Variants in ADAMTSL1 observed in about 807,000 individuals in gnomAD.
The protein encoded by ADAMTSL1 is ADAMTS-like protein 1.
In ADAMTSL1, 126 loss-of-function variants were observed where a neutral mutation model predicts 201.8. That is an observed-to-expected ratio of 0.62 (90% CI 0.54 to 0.72). The LOEUF is 0.72. Ranked by LOEUF, ADAMTSL1 falls within the 30% of genes least tolerant of loss-of-function variation. ADAMTSL1 has a pLI of 0.00. For missense variants in ADAMTSL1, 2,679 were observed against 2,277.8 expected (o/e 1.18, Z -3.59); for synonymous variants, 1,121 against 903.4 (o/e 1.24, Z -4.32).
intron 15 of ADAMTSL1, among the ~76,000 whole-genome samples, chr9:18,725,555 CA>C (rs562998497): frequency 2.6e-5 from 4 of 152,162 alleles, no homozygotes; most frequent in East Asian, 3.9e-4. Flanking sequence ...GAGAAATACC[CA>C]AAAAGGACCT....
At chr9:18,786,418 G>A (rs1821709160) in intron 19 of ADAMTSL1, among the ~76,000 whole-genome samples, 1 of 152,192 alleles carries the variant, frequency 6.6e-6, no homozygotes, top group African/African-American at 2.4e-5. Context: ...TCCCAGTTCT[G>A]CCACTTAGTA....
intron 1 of ADAMTSL1, among the ~76,000 whole-genome samples, chr9:18,011,849 C>T (rs1381343948): frequency 1.3e-5 from 2 of 151,948 alleles, no homozygotes; most frequent in South Asian, 2.1e-4. Context: ...ACAATACAAC[C>T]CATGAGTTGC....
chr9:18,354,442 C>G (rs191359463), intron 2 of ADAMTSL1, among the ~76,000 whole-genome samples: 3 of 152,196 alleles, frequency 2.0e-5, no homozygotes, highest in Admixed American at 6.5e-5. Context: ...AATTCATAAA[C>G]TTTGCTGTTA....
intron 1 of ADAMTSL1, among the ~76,000 whole-genome samples, chr9:17,963,294 G>A (rs368999105): frequency 1.2e-4 from 18 of 151,958 alleles, no homozygotes; most frequent in South Asian, 6.2e-4. Context: ...ATATTTATTC[G>A]CCTATTTATC....
At chr9:18,678,345 C>T (rs1037715429) in intron 10 of ADAMTSL1, among the ~76,000 whole-genome samples, 5 of 152,136 alleles carry the variant, frequency 3.3e-5, no homozygotes, top group South Asian at 4.1e-4. Context: ...GACATGCTCT[C>T]TCTCAGCTTT....
At chr9:18,608,169 GTACT>G (rs1400132310) in intron 4 of ADAMTSL1, among the ~76,000 whole-genome samples, 1 of 152,168 alleles carries the variant, frequency 6.6e-6, no homozygotes, top group African/African-American at 2.4e-5. Context: ...GGTAATTTGG[GTACT>G]TTTAAGGGGA....
At chr9:18,618,068 A>C (rs1317906532) in intron 4 of ADAMTSL1, among the ~76,000 whole-genome samples, 1 of 152,202 alleles carries the variant, frequency 6.6e-6, no homozygotes, top group African/African-American at 2.4e-5. Flanking sequence ...GCCTTCCATG[A>C]CATTTCTCTA....
intron 15 of ADAMTSL1, among the ~76,000 whole-genome samples, chr9:18,748,392 G>C (rs1819264514): frequency 6.6e-6 from 1 of 152,096 alleles, no homozygotes; most frequent in South Asian, 2.1e-4. Flanking sequence ...GGATTACTAA[G>C]ACATAAATTG....
At chr9:18,460,336 CTGTT>C (rs1820762205) in intron 2 of ADAMTSL1, among the ~76,000 whole-genome samples, 2 of 152,192 alleles carry the variant, frequency 1.3e-5, no homozygotes. Context: ...AAATCCCTGT[CTGTT>C]TGCTGCAGAA....
chr9:18,533,160 T>A, intron 2 of ADAMTSL1, 87 bp from the exon 3 acceptor site: 1 of 1,104,312 alleles, frequency 9.1e-7, no homozygotes, highest in Non-Finnish European at 1.3e-6. Flanking sequence ...CTTTTACTAG[T>A]ATTTAGAGCA....
chr9:18,410,585 A>G (rs528097543), intron 2 of ADAMTSL1, among the ~76,000 whole-genome samples: 2 of 152,296 alleles, frequency 1.3e-5, no homozygotes, highest in Admixed American at 1.3e-4. Flanking sequence ...ATAGTATTAC[A>G]TGGTGCATAT....
rs1412511351 is a variant in ADAMTSL1, at chr9:18,041,752, T to C, written c.88-122110T>C. On this transcript the variant is annotated intron_variant, in intron 1 of 29. Transcript: ENST00000680146. The stretch of plus-strand genomic sequence containing the variant: ...TATGAAAATCATGATTTTCAAAATT[T>C]ATAAATATTTTGTACATACAGATTT... 2.0e-5 allele frequency among the ~76,000 whole-genome samples: 3 copies of C among 152,262 alleles called. No individual in the cohort carries two copies. In the East Asian group the frequency reaches 5.8e-4, roughly 29 times the overall value.
chr9:18,310,552 C>G (rs1041474596), intron 2 of ADAMTSL1, among the ~76,000 whole-genome samples: 2 of 151,896 alleles, frequency 1.3e-5, no homozygotes, highest in African/African-American at 4.8e-5. Context: ...AGGATATGAA[C>G]AGACACTTCT....
intron 15 of ADAMTSL1, among the ~76,000 whole-genome samples, chr9:18,730,819 G>A (rs1243455026): frequency 1.3e-5 from 2 of 152,198 alleles, no homozygotes; most frequent in South Asian, 2.1e-4. Context: ...TGAAAGTGGT[G>A]TCTTCTCTGT....
At chr9:18,458,384 TG>T (rs934549965) in intron 2 of ADAMTSL1, among the ~76,000 whole-genome samples, 3 of 152,214 alleles carry the variant, frequency 2.0e-5, no homozygotes, top group Non-Finnish European at 4.4e-5. Flanking sequence ...TTTTTTATAC[TG>T]GTTGTTACAG....
intron 2 of ADAMTSL1, among the ~76,000 whole-genome samples, chr9:18,181,739 G>A (rs1472739899): frequency 6.6e-6 from 1 of 151,560 alleles, no homozygotes; most frequent in African/African-American, 2.4e-5. Flanking sequence ...CGATTCCTCA[G>A]GGATCTAGAA....
chr9:18,376,269 T>C (rs958183463), intron 2 of ADAMTSL1, among the ~76,000 whole-genome samples: 1 of 152,170 alleles, frequency 6.6e-6, no homozygotes, highest in Non-Finnish European at 1.5e-5. Context: ...ATTAAGAACA[T>C]GGTTCTAATA....
chr9:18,126,234 T>C (rs572918675), intron 1 of ADAMTSL1, among the ~76,000 whole-genome samples: 8 of 152,356 alleles, frequency 5.3e-5, no homozygotes, highest in Admixed American at 4.6e-4. Context: ...ATTGTAAGTA[T>C]AGTGAATCAT....
intron 2 of ADAMTSL1, among the ~76,000 whole-genome samples, chr9:18,317,790 G>C (rs1834463071): frequency 6.6e-6 from 1 of 152,148 alleles, no homozygotes; most frequent in African/African-American, 2.4e-5. Context: ...AAAACAGTTG[G>C]GACAAGATTG....
Sources: allele counts gnomAD v4.1 joint callset (sites outside exome capture counted in the v4.1 genomes callset), GRCh38; gene constraint gnomAD v4.1.1; transcripts MANE v1.5; gene names NCBI Gene and HGNC (gene_info 2026-07-23, HGNC 2026-07-21).